Variants in KDM2B observed in about 807,000 individuals in gnomAD.
KDM2B encodes lysine-specific demethylase 2B.
In KDM2B, 26 loss-of-function variants were observed where a neutral mutation model predicts 150.0. The observed-to-expected ratio is 0.17, with a 90% CI of 0.13 to 0.24. The LOEUF (loss-of-function observed/expected upper bound fraction) is 0.24, where lower values mean the gene tolerates loss of function less well. Ranked by LOEUF, KDM2B falls within the 10% of genes least tolerant of loss-of-function variation. The probability of loss-of-function intolerance (pLI) is 1.00; values close to 1 mark genes in which losing one functional copy is unlikely to be tolerated. For missense variants in KDM2B, 1,265 were observed against 1,816.9 expected (o/e 0.70, Z 5.52); for synonymous variants, 734 against 729.5 (o/e 1.01, Z -0.10).
intron 22 of KDM2B, among the ~76,000 whole-genome samples, chr12:121,439,470 G>T (rs61955135): frequency 0.34 from 51,533 of 149,760 alleles, 9,507 homozygotes; most frequent in East Asian, 0.44. Context: ...GACCTCCACT[G>T]CCAGTTTCAA....
chr12:121,518,811 T>G lies in KDM2B; in HGVS notation c.1047+2174A>C, dbSNP rs563481248. On this transcript the variant is annotated intron_variant, in intron 9 of 22. Coordinates refer to ENST00000377071, the MANE Select transcript of KDM2B (RefSeq NM_032590.5). The surrounding 1 kb of genome is among the most constrained non-coding windows in gnomAD (Gnocchi z 4.4). ...TTCCACTAGATTTCTCCATCTCTAT[T>G]CCACACGTCTGCTCGTGCACAAACT... Among the ~76,000 whole-genome samples the G allele has an allele frequency of 2.3e-4, 35 of 152,268 alleles. No individual in the cohort carries two copies. Among genetic ancestry groups the G allele is most frequent in the African/African-American group, 8.4e-4 (35 of 41,548 alleles).
At chr12:121,530,813 C>A (rs944453013) in intron 8 of KDM2B, among the ~76,000 whole-genome samples, 1 of 152,138 alleles carries the variant, frequency 6.6e-6, no homozygotes, top group Non-Finnish European at 1.5e-5. Flanking sequence ...CCATCCCACA[C>A]AGGGGAAAAG....
intron 8 of KDM2B, among the ~76,000 whole-genome samples, chr12:121,522,356 A>G (rs1851337196): frequency 6.6e-6 from 1 of 151,318 alleles, no homozygotes; most frequent in Non-Finnish European, 1.5e-5. Context: ...TCTCTATTAA[A>G]AATACAAAAT....
At chr12:121,410,118 C>T in the KDM2B span, among the ~76,000 whole-genome samples, 1 of 151,660 alleles carries the variant, frequency 6.6e-6, no homozygotes, top group African/African-American at 2.4e-5. Context: ...CGTGCCATCG[C>T]ACTCCAACCT....
chr12:121,520,970 AG>A lies in KDM2B; in HGVS notation c.1047+14del. ...GGCCAGGCGCGCACGCGAGGACAGA[AG>A]GGAACCTCCTTACCCGCGTCCTGTC... On this transcript the variant is annotated intron_variant, in intron 9 of 22. Coordinates refer to ENST00000377071, the MANE Select transcript of KDM2B (RefSeq NM_032590.5). This position sits in a 1 kb window ranked among gnomAD's most constrained non-coding sequence, Gnocchi z 4.5. 1 of 1,607,176 alleles carries A rather than the reference AG, an allele frequency of 6.2e-7. No homozygotes were observed. The highest frequency in any genetic ancestry group is 8.5e-7 in the Non-Finnish European group (1 of 1,173,866).
At position 121,548,944 on chromosome 12, in the gene KDM2B, G is replaced by A. The variant is rs1200418764; in HGVS notation, c.616C>T (p.His206Tyr). 6.2e-7 allele frequency: 1 copy of A among 1,614,064 alleles called. No individual in the cohort carries two copies. Among genetic ancestry groups the A allele is most frequent in the African/African-American group, 1.3e-5 (1 of 74,938 alleles). ...GCTTCTGTCTGCTTCTCCTTCAGATGCTGGGGCCACATGTTGTCCACCCAG... is the reference window on the plus strand; with the variant it reads ...GCTTCTGTCTGCTTCTCCTTCAGATACTGGGGCCACATGTTGTCCACCCAG... ...VDWVDNMWPQHLKEKQTEATN... is the reference protein window; with the variant it reads ...VDWVDNMWPQYLKEKQTEATN... The change falls in exon 6 of 23, where the codon CAT becomes TAT. Residue 206 changes from histidine (H) to tyrosine (Y), a missense_variant. Physicochemically the swap from His to Tyr is moderately conservative, Grantham distance 83. Coordinates refer to ENST00000377071, the MANE Select transcript of KDM2B (RefSeq NM_032590.5).
At position 121,467,427 on chromosome 12, in the gene KDM2B, A is replaced by C; in HGVS notation, c.1735-14083T>G. On this transcript the variant is annotated intron_variant, in intron 12 of 22. Coordinates refer to ENST00000377071, the MANE Select transcript of KDM2B (RefSeq NM_032590.5). This position sits in a 1 kb window ranked among gnomAD's most constrained non-coding sequence, Gnocchi z 5.1. ...GGGGGAGGGCCGGGGCGCCATGCAT[A>C]TGCATGAGGCGAGCCAGGAAGGGGC... The C allele has an allele frequency of 1.2e-6, 1 of 829,874 alleles. No individual in the cohort carries two copies. Among genetic ancestry groups the C allele is most frequent in the Non-Finnish European group, 1.4e-6 (1 of 690,956 alleles). The allele number at this position is 829,874 out of a possible 1,614,324, so 51.4% of individuals were successfully genotyped here.
chr12:121,466,792 G>A (rs1466383608), intron 12 of KDM2B, among the ~76,000 whole-genome samples: 6 of 146,484 alleles, frequency 4.1e-5, no homozygotes, highest in African/African-American at 1.5e-4. Context: ...CGTGGGCCGC[G>A]GGCGAGGGCG....
chr12:121,423,583 C>T, the KDM2B span: 1 of 1,610,182 alleles, frequency 6.2e-7, no homozygotes, highest in Admixed American at 1.7e-5. The surrounding 1 kb of genome is among the most constrained non-coding windows in gnomAD (Gnocchi z 4.3). Flanking sequence ...CTGAAACAGG[C>T]TCCCCTCACC....
chr12:121,461,379 C>T (rs1187982185), intron 12 of KDM2B, among the ~76,000 whole-genome samples: 2 of 152,114 alleles, frequency 1.3e-5, no homozygotes, highest in African/African-American at 4.8e-5. Flanking sequence ...AAAGGCTTCA[C>T]AACATGACTG....
chr12:121,529,798 C>T (rs1555307525), intron 8 of KDM2B, among the ~76,000 whole-genome samples: 5 of 151,694 alleles, frequency 3.3e-5, no homozygotes, highest in East Asian at 1.9e-4. Flanking sequence ...GGCATGGTGG[C>T]GTGTACCTGT....
intron 22 of KDM2B, chr12:121,433,023 G>A (rs1006498022): frequency 7.3e-5 from 30 of 412,012 alleles, no homozygotes; most frequent in Admixed American, 3.7e-4. Context: ...GTTACCTGTC[G>A]GTGGTAAGGC....
the KDM2B span, chr12:121,420,478 C>CT: frequency 6.4e-7 from 1 of 1,568,428 alleles, no homozygotes; most frequent in East Asian, 2.2e-5. Context: ...TCTAGGACTG[C>CT]TGAGATGGCT....
chr12:121,435,804 T>C (rs782303691), intron 22 of KDM2B, among the ~76,000 whole-genome samples: 1 of 152,040 alleles, frequency 6.6e-6, no homozygotes, highest in Non-Finnish European at 1.5e-5. Context: ...AAGAGAAAGA[T>C]GGAAAGATGT....
At chr12:121,543,626 C>A (rs1385802445) in intron 6 of KDM2B, among the ~76,000 whole-genome samples, 2 of 151,124 alleles carry the variant, frequency 1.3e-5, no homozygotes, top group East Asian at 3.9e-4. Flanking sequence ...GAGATCGAAA[C>A]CATCCTGGCC....
At position 121,580,752 on chromosome 12, in the gene KDM2B, C is replaced by T. The variant is rs782083043; in HGVS notation, c.126+34G>A. On this transcript the variant is annotated intron_variant, in intron 1 of 22. Coordinates refer to ENST00000377071, the MANE Select transcript of KDM2B (RefSeq NM_032590.5). The stretch of plus-strand genomic sequence containing the variant: ...CTCATTGCCCAGGGCTACCCCTCTT[C>T]CTCTTCTTTCATCCACCCCTCCCCC... 9.3e-6 allele frequency: 15 copies of T among 1,610,474 alleles called. No homozygotes were observed. The South Asian group carries it at 1.4e-4, about 15-fold the overall frequency.
At chr12:121,463,160 C>T (rs1555294062) in intron 12 of KDM2B, among the ~76,000 whole-genome samples, 1 of 151,974 alleles carries the variant, frequency 6.6e-6, no homozygotes, top group East Asian at 1.9e-4. Context: ...ACTAAAAATA[C>T]AAAAATTAGC....
At chr12:121,494,329 CGA>C (rs1308563788) in intron 12 of KDM2B, 2 of 432,144 alleles carry the variant, frequency 4.6e-6, no homozygotes, top group Admixed American at 4.2e-5. Context: ...CAGGGAAAGG[CGA>C]GGTGTCAGCA....
chr12:121,415,286 A>G, the KDM2B span: 1 of 384,078 alleles, frequency 2.6e-6, no homozygotes, highest in South Asian at 1.8e-5. Flanking sequence ...TATTATACCC[A>G]ATTACAAATG....
Sources: gnomAD v4.1 joint callset for allele counts (sites outside exome capture counted in the v4.1 genomes callset) on GRCh38, gnomAD v4.1.1 for gene constraint, Gnocchi (gnomAD v3.1) non-coding constraint, MANE v1.5 for transcripts, NCBI Gene and HGNC (gene_info 2026-07-23, HGNC 2026-07-21) for gene names.